The following PRKCB variants were observed in gnomAD, a reference collection of about 807,000 sequenced individuals.
PRKCB encodes the protein protein kinase C beta.
Under a neutral mutation model 81.5 loss-of-function variants are expected in PRKCB, and 13 were observed. The ratio of observed to expected loss-of-function variants is 0.16; its 90% CI spans 0.10 to 0.25. PRKCB has a LOEUF of 0.25. PRKCB is among the 10% of genes least tolerant of loss of function. The probability of loss-of-function intolerance (pLI) is 1.00; values close to 1 mark genes in which losing one functional copy is unlikely to be tolerated. For missense variants in PRKCB, 509 were observed against 875.7 expected, an observed-to-expected ratio of 0.58 and a Z score of 5.29; for synonymous variants, 335 against 321.4, an observed-to-expected ratio of 1.04 and a Z score of -0.45.
intron 5 of PRKCB, among the ~76,000 whole-genome samples, chr16:24,068,366 G>T (rs1316669662): frequency 6.6e-6 from 1 of 151,566 alleles, no homozygotes; most frequent in Admixed American, 6.6e-5. Context: ...TTGATTCCTA[G>T]CCCCAAGAAT....
chr16:24,078,214 GC>G (rs1409087932), intron 5 of PRKCB, among the ~76,000 whole-genome samples: 5 of 152,242 alleles, frequency 3.3e-5, no homozygotes, highest in African/African-American at 1.2e-4. Context: ...AGCACCCAGA[GC>G]CATGTCTGCA....
In PRKCB at chr16:24,220,035, A is replaced by T; in HGVS notation, c.*5219A>T. ...CTGTGGAACTGACCCCCACTGATAA[A>T]CTCTTCATCATGAACTTGGACCAAA... On this transcript the variant is annotated 3_prime_UTR_variant, in exon 17 of 17. Transcript: ENST00000643927. The T allele has an allele frequency of 6.2e-7, 1 of 1,613,938 alleles. No individual in the cohort carries two copies. The highest frequency in any genetic ancestry group is 8.5e-7 in the Non-Finnish European group (1 of 1,179,970).
chr16:24,172,233 CGGGATGCTAAT>C, intron 10 of PRKCB, 26 bp from the exon 11 acceptor site: 1 of 1,511,666 alleles, frequency 6.6e-7, no homozygotes, highest in Non-Finnish European at 9.2e-7. Context: ...CCAGAAGCTA[CGGGATGCTAAT>C]GTTGCTGTTT....
At chr16:23,863,191 C>T (rs979483072) in intron 2 of PRKCB, among the ~76,000 whole-genome samples, 17 of 56,606 alleles carry the variant, frequency 3.0e-4, no homozygotes, top group Non-Finnish European at 4.8e-4. Flanking sequence ...TGTATACATA[C>T]ATACGTATAT....
chr16:23,953,688 G>A (rs1290435394), intron 2 of PRKCB, among the ~76,000 whole-genome samples: 1 of 152,172 alleles, frequency 6.6e-6, no homozygotes, highest in East Asian at 1.9e-4. Context: ...TGTAATGCGT[G>A]AGCACATTCA....
intron 3 of PRKCB, among the ~76,000 whole-genome samples, chr16:24,019,161 G>T (rs1327441254): frequency 1.3e-5 from 2 of 150,956 alleles, no homozygotes; most frequent in African/African-American, 2.4e-5. Context: ...ACTTGTATTA[G>T]GTTTTTTTTT....
In PRKCB at chr16:24,113,025, C is replaced by T. The variant is rs1195602382; in HGVS notation, c.874C>T (p.Pro292Ser). 3 of 1,613,324 alleles carry T rather than the reference C, an allele frequency of 1.9e-6. No homozygotes were observed. The highest frequency in any genetic ancestry group is 1.3e-5 in the African/African-American group (1 of 74,964). ...CGAGTACTTCAATGTGCCTGTGCCA[C>T]CAGAAGGAAGTGAGGCCAATGAAGA... ...EGEYFNVPVPPEGSEANEELR... is the reference protein window; with the variant it reads ...EGEYFNVPVPSEGSEANEELR... The change falls in exon 8 of 17, where the codon CCA (proline) becomes TCA (serine). Residue 292 changes from proline to serine, a missense_variant. Pro to Ser is a moderately conservative substitution (Grantham distance 74). Around this residue, in one of 6 missense-constraint regions of PRKCB, gnomAD observed 184 missense variants for 362.9 expected, o/e 0.51. Coordinates refer to ENST00000643927, the MANE Select transcript of PRKCB (RefSeq NM_002738.7).
At chr16:24,134,053 AC>A (rs890269327) in intron 9 of PRKCB, among the ~76,000 whole-genome samples, 18 of 151,640 alleles carry the variant, frequency 1.2e-4, no homozygotes, top group African/African-American at 3.6e-4. Context: ...ATGCCACCAC[AC>A]CCAGCTAATT....
chr16:24,083,470 T>C (rs956359085), intron 5 of PRKCB, among the ~76,000 whole-genome samples: 12 of 152,180 alleles, frequency 7.9e-5, no homozygotes, highest in African/African-American at 2.9e-4. Flanking sequence ...CCTTGATACA[T>C]CCATGCAATA....
intron 2 of PRKCB, among the ~76,000 whole-genome samples, chr16:23,966,881 A>T (rs1205383422): frequency 6.6e-6 from 1 of 152,160 alleles, no homozygotes; most frequent in Non-Finnish European, 1.5e-5. Flanking sequence ...CTAAGCTCTG[A>T]TGACTCTGTT....
At chr16:23,974,848 T>C (rs1964603962) in intron 2 of PRKCB, among the ~76,000 whole-genome samples, 1 of 152,098 alleles carries the variant, frequency 6.6e-6, no homozygotes, top group Non-Finnish European at 1.5e-5. Context: ...AGCGAATGGA[T>C]GACCTTCACA....
intron 2 of PRKCB, among the ~76,000 whole-genome samples, chr16:23,853,486 G>T (rs541667959): frequency 6.6e-6 from 1 of 152,192 alleles, no homozygotes; most frequent in East Asian, 1.9e-4. Flanking sequence ...CCAACGGAAG[G>T]GGGTCCTGGG....
intron 8 of PRKCB, among the ~76,000 whole-genome samples, chr16:24,113,461 C>T (rs918384180): frequency 6.8e-6 from 1 of 147,952 alleles, no homozygotes; most frequent in East Asian, 2.0e-4. Context: ...GTTTCTTTCT[C>T]TCTCCTTCCT....
At chr16:24,162,442 CTTTTTTT>C (rs564543744) in intron 10 of PRKCB, among the ~76,000 whole-genome samples, 1,062 of 68,620 alleles carry the variant, frequency 0.015, 14 homozygotes, top group African/African-American at 0.053. Context: ...ACAGAGAAGA[CTTTTTTT>C]TTTTTTTTTT....
rs115749412 is a variant in PRKCB, at chr16:23,984,274, A to G, written c.206-4234A>G. On this transcript the variant is annotated intron_variant, in intron 2 of 16. Coordinates refer to ENST00000643927, the MANE Select transcript of PRKCB (RefSeq NM_002738.7). ...GCATGGAATAACTCATTTAGTTCTGACAACACCACTGTGATATGGGTCCTA... is the reference window on the plus strand; with the variant it reads ...GCATGGAATAACTCATTTAGTTCTGGCAACACCACTGTGATATGGGTCCTA... Among the ~76,000 whole-genome samples the G allele has an allele frequency of 6.4e-3, 976 of 152,344 alleles. 14 individuals are homozygous for G. Among genetic ancestry groups the G allele is most frequent in the African/African-American group, 0.023 (940 of 41,582 alleles).
chr16:23,976,980 T>G (rs773703609), intron 2 of PRKCB, among the ~76,000 whole-genome samples: 1 of 152,218 alleles, frequency 6.6e-6, no homozygotes, highest in Non-Finnish European at 1.5e-5. Flanking sequence ...TTAAATAAAT[T>G]TGGTAACATT....
intron 2 of PRKCB, among the ~76,000 whole-genome samples, chr16:23,906,144 C>G (rs7186538): frequency 0.96 from 146,924 of 152,324 alleles, 70,901 homozygotes; most frequent in East Asian, 1. Flanking sequence ...GCTTTCTGTA[C>G]AGGATCTGTT....
chr16:24,193,455 A>ATAAATAAATTAAT (rs1555501749), intron 16 of PRKCB, among the ~76,000 whole-genome samples: 10 of 59,170 alleles, frequency 1.7e-4, no homozygotes, highest in African/African-American at 1.1e-3. Flanking sequence ...AAATAAATAA[A>ATAAATAAATTAAT]TAAATAAATA....
chr16:23,933,423 C>G (rs368162328), intron 2 of PRKCB, among the ~76,000 whole-genome samples: 3 of 152,080 alleles, frequency 2.0e-5, no homozygotes, highest in Admixed American at 6.5e-5. Context: ...ATGGTTGGCT[C>G]TTCTGTTAAT....
Sources: gnomAD v4.1 joint callset for allele counts (sites outside exome capture counted in the v4.1 genomes callset) on GRCh38, gnomAD v4.1.1 for gene constraint, gnomAD v4.1.1 regional missense constraint, MANE v1.5 for transcripts, NCBI Gene and HGNC (gene_info 2026-07-23, HGNC 2026-07-21) for gene names.